TNRC6B: variants seen among roughly 807,000 people sequenced by gnomAD.
TNRC6B encodes the protein trinucleotide repeat containing adaptor 6B, also known as trinucleotide repeat-containing gene 6B protein.
TNRC6B carries 52 observed loss-of-function variants against 203.6 expected under a neutral mutation model. The ratio of observed to expected loss-of-function variants is 0.26; its 90% confidence interval spans 0.20 to 0.32. TNRC6B has a LOEUF of 0.32. TNRC6B is among the 10% of genes least tolerant of loss of function. TNRC6B has a pLI of 1.00. For missense variants in TNRC6B, 1,923 were observed against 2,286.2 expected (o/e 0.84, Z 3.24); for synonymous variants, 838 against 845.7 (o/e 0.99, Z 0.16).
At chr22:40,195,326 T>C (rs2069323139) in intron 1 of TNRC6B, among the ~76,000 whole-genome samples, 2 of 152,268 alleles carry the variant, frequency 1.3e-5, no homozygotes, top group African/African-American at 4.8e-5. Flanking sequence ...CATTATTTAC[T>C]GATAATTCTT....
chr22:40,209,977 C>G (rs1328245960), intron 1 of TNRC6B, among the ~76,000 whole-genome samples: 1 of 149,902 alleles, frequency 6.7e-6, no homozygotes. Context: ...GAGATTGCAT[C>G]GCTGCACTCT....
chr22:40,258,601 C>A lies in TNRC6B; in HGVS notation c.116-3231C>A, dbSNP rs376760777. On this transcript the variant is annotated intron_variant, in intron 3 of 22. Coordinates refer to ENST00000454349, the MANE Select transcript of TNRC6B (RefSeq NM_001162501.2). ...TGTTTCCTGGAGGTTTTGTTTTTTTCTTTTTATACTTTGACCTATTTGTAC... is the reference window on the plus strand; with the variant it reads ...TGTTTCCTGGAGGTTTTGTTTTTTTATTTTTATACTTTGACCTATTTGTAC... 4.2e-4 allele frequency among the ~76,000 whole-genome samples: 64 copies of A among 151,986 alleles called. No individual in the cohort carries two copies. In the South Asian group the frequency reaches 0.013, roughly 31 times the overall value.
At chr22:40,315,231 A>T in intron 19 of TNRC6B, 52 bp from the exon 20 acceptor site, 2 of 1,486,474 alleles carry the variant, frequency 1.3e-6, no homozygotes, top group South Asian at 1.2e-5. Flanking sequence ...GTATTTGTCA[A>T]CAAAAGTGAA....
rs71199275 is a variant in TNRC6B at position 40,218,324 on chromosome 22, C to CTTTT, written c.6-27674_6-27671dup. ...TGATTTTTTTTTTCTTTTTTCTTTT[C>CTTTT]TTTTTTTTTTTTTTTTTTTTGAGAC... On this transcript the variant is annotated intron_variant, in intron 1 of 22. Coordinates refer to ENST00000454349, the MANE Select transcript of TNRC6B (RefSeq NM_001162501.2). 2.5e-3 allele frequency among the ~76,000 whole-genome samples: 242 copies of CTTTT among 97,452 alleles called. 2 individuals carry two copies. The highest frequency in any genetic ancestry group is 7.1e-3 in the East Asian group (22 of 3,106). The allele number at this position is 97,452 out of a possible 152,430, so 63.9% of individuals were successfully genotyped here.
chr22:40,083,658 G>A (rs955564712), intron 1 of TNRC6B, among the ~76,000 whole-genome samples: 2 of 152,148 alleles, frequency 1.3e-5, no homozygotes, highest in African/African-American at 4.8e-5. Context: ...GGAAAAAGGG[G>A]AGAATTGCAA....
chr22:40,213,665 C>G (rs986454162), intron 1 of TNRC6B, among the ~76,000 whole-genome samples: 1 of 152,072 alleles, frequency 6.6e-6, no homozygotes, highest in Non-Finnish European at 1.5e-5. Context: ...GCTAGCATCC[C>G]GTGGTGCAGT....
chr22:40,176,962 A>G (rs1280103987), upstream of TNRC6B, among the ~76,000 whole-genome samples: 4 of 152,194 alleles, frequency 2.6e-5, no homozygotes, highest in Admixed American at 2.0e-4. Context: ...CCGGCTACCA[A>G]TGAGAAAACG....
At chr22:40,140,244 C>A (rs2068634113) in intron 3 of TNRC6B, among the ~76,000 whole-genome samples, 1 of 152,208 alleles carries the variant, frequency 6.6e-6, no homozygotes, top group Admixed American at 6.6e-5. Context: ...AAAACCACTT[C>A]TTGCTTAGCT....
intron 22 of TNRC6B, 58 bp from the exon 23 acceptor site, chr22:40,322,796 T>G: frequency 6.2e-7 from 1 of 1,603,858 alleles, no homozygotes; most frequent in Non-Finnish European, 8.5e-7. Context: ...AGTCGCTCCC[T>G]CCGTATGCTT....
At chr22:40,046,657 T>TG (rs1431700842) in intron 1 of TNRC6B, among the ~76,000 whole-genome samples, 1 of 149,686 alleles carries the variant, frequency 6.7e-6, no homozygotes, top group Non-Finnish European at 1.5e-5. Flanking sequence ...TTTTTTTTTT[T>TG]TTTTTGAGAC....
At chr22:40,138,485 C>T (rs567372151) in intron 3 of TNRC6B, among the ~76,000 whole-genome samples, 4 of 152,248 alleles carry the variant, frequency 2.6e-5, no homozygotes, top group South Asian at 4.1e-4. Context: ...AGACTGGTCT[C>T]GAATTCCTGA....
At chr22:40,102,125 G>A (rs1334446245) in intron 1 of TNRC6B, among the ~76,000 whole-genome samples, 2 of 152,194 alleles carry the variant, frequency 1.3e-5, no homozygotes, top group South Asian at 2.1e-4. Flanking sequence ...TTTAGAAATC[G>A]TGTTTATCAT....
upstream of TNRC6B, among the ~76,000 whole-genome samples, chr22:40,175,091 C>T (rs1356985842): frequency 6.6e-6 from 1 of 151,976 alleles, no homozygotes; most frequent in African/African-American, 2.4e-5. Flanking sequence ...GGGCGCAGTG[C>T]CTCATGCCTG....
intron 1 of TNRC6B, among the ~76,000 whole-genome samples, chr22:40,220,576 C>G (rs1460360711): frequency 6.6e-6 from 1 of 152,174 alleles, no homozygotes; most frequent in Non-Finnish European, 1.5e-5. Context: ...TTGCTTAAAT[C>G]ACTGTATCTT....
At chr22:40,182,587 T>G (rs1005549528) in intron 1 of TNRC6B, among the ~76,000 whole-genome samples, 2 of 152,252 alleles carry the variant, frequency 1.3e-5, no homozygotes, top group African/African-American at 4.8e-5. Flanking sequence ...TATTAAGCAC[T>G]GATGTAGGTG....
chr22:40,215,602 T>G (rs1166682067), intron 1 of TNRC6B, among the ~76,000 whole-genome samples: 1 of 152,224 alleles, frequency 6.6e-6, no homozygotes, highest in Non-Finnish European at 1.5e-5. Flanking sequence ...CGCTGCATCC[T>G]CAGGGGTGTT....
intron 3 of TNRC6B, 74 bp downstream of exon 3, chr22:40,251,274 C>T (rs2070188794): frequency 8.4e-7 from 1 of 1,184,268 alleles, no homozygotes; most frequent in South Asian, 1.5e-5. Context: ...CTGACTCAGC[C>T]TCCAATCCAC....
intron 2 of TNRC6B, 191 bp downstream of exon 2, chr22:40,246,293 G>A (rs540219167): frequency 6.3e-5 from 23 of 364,858 alleles, no homozygotes; most frequent in Non-Finnish European, 1.1e-4. Flanking sequence ...AGGTTTAAGC[G>A]ATGCTCCTCT....
intron 1 of TNRC6B, among the ~76,000 whole-genome samples, chr22:40,076,903 T>G (rs1308248026): frequency 1.3e-5 from 2 of 151,914 alleles, no homozygotes; most frequent in African/African-American, 4.8e-5. Flanking sequence ...TGTGCACCTC[T>G]AGTCCCAGCT....
Sources: allele counts gnomAD v4.1 joint callset (sites outside exome capture counted in the v4.1 genomes callset), GRCh38; gene constraint gnomAD v4.1.1; transcripts MANE v1.5; gene names NCBI Gene and HGNC (gene_info 2026-07-23, HGNC 2026-07-21).